Variants in ROBO2 observed in about 807,000 individuals in gnomAD.
The protein encoded by ROBO2 is roundabout guidance receptor 2.
ROBO2 carries 53 observed loss-of-function variants against 160.8 expected under a neutral mutation model. The ratio of observed to expected loss-of-function variants is 0.33; its 90% CI spans 0.26 to 0.41. ROBO2 has a LOEUF of 0.41. ROBO2 is among the 10% of genes least tolerant of loss of function. The pLI, the probability that ROBO2 is intolerant of heterozygous loss-of-function variation, is 1.00. For missense variants in ROBO2, 1,577 were observed against 1,722.4 expected (o/e 0.92, Z 1.49); for synonymous variants, 664 against 611.7 (o/e 1.09, Z -1.26).
intron 2 of ROBO2, among the ~76,000 whole-genome samples, chr3:75,952,794 C>T (rs867701570): frequency 1.3e-5 from 2 of 151,864 alleles, no homozygotes; most frequent in Admixed American, 6.6e-5. Flanking sequence ...ATCTATTCAT[C>T]GCTTCCTCTC....
chr3:77,462,566 G>A (rs988921782), intron 2 of ROBO2, among the ~76,000 whole-genome samples: 12 of 152,046 alleles, frequency 7.9e-5, no homozygotes, highest in Admixed American at 5.2e-4. Context: ...TACTCTCTTC[G>A]CAACTCTTTG....
chr3:76,675,491 C>T (rs2092384339), intron 2 of ROBO2, among the ~76,000 whole-genome samples: 1 of 152,128 alleles, frequency 6.6e-6, no homozygotes. Context: ...ACCTATATAG[C>T]CATCATGGAA....
chr3:76,572,210 A>T (rs1168232650), intron 2 of ROBO2, among the ~76,000 whole-genome samples: 2 of 152,150 alleles, frequency 1.3e-5, no homozygotes, highest in Admixed American at 6.6e-5. Context: ...ACAAAACTGA[A>T]GCACAGACAG....
intron 2 of ROBO2, among the ~76,000 whole-genome samples, chr3:76,544,595 T>C (rs1297863959): frequency 1.3e-5 from 2 of 152,040 alleles, no homozygotes; most frequent in Non-Finnish European, 2.9e-5. Context: ...ATACCCATAT[T>C]TGTAGACTAG....
chr3:77,406,821 A>C (rs2076289368), intron 2 of ROBO2, among the ~76,000 whole-genome samples: 1 of 152,128 alleles, frequency 6.6e-6, no homozygotes, highest in East Asian at 1.9e-4. Context: ...GAATTATTTT[A>C]TGCTTCTTTG....
intron 23 of ROBO2, chr3:77,632,775 A>G (rs1034207429): frequency 1.1e-5 from 10 of 883,042 alleles, no homozygotes; most frequent in East Asian, 2.7e-5. Context: ...TTTAATACGC[A>G]TGAATACAGT....
intron 2 of ROBO2, chr3:77,317,078 C>T: frequency 1.4e-6 from 2 of 1,424,116 alleles, no homozygotes; most frequent in Non-Finnish European, 2.0e-6. Context: ...TGGAATTCAT[C>T]AGTCCTGTAG....
At chr3:76,669,334 A>T (rs944447952) in intron 2 of ROBO2, among the ~76,000 whole-genome samples, 3 of 152,170 alleles carry the variant, frequency 2.0e-5, no homozygotes, top group Non-Finnish European at 4.4e-5. Context: ...AGAATTCCAT[A>T]AAAAAGGCAA....
chr3:76,972,624 G>A (rs763117253), intron 2 of ROBO2, among the ~76,000 whole-genome samples: 4 of 151,996 alleles, frequency 2.6e-5, no homozygotes, highest in Admixed American at 2.0e-4. Context: ...TTGGGAAGCC[G>A]AGGTGGAGGA....
At chr3:77,224,075 T>C (rs750675786) in intron 2 of ROBO2, among the ~76,000 whole-genome samples, 72 of 152,142 alleles carry the variant, frequency 4.7e-4, no homozygotes, top group Non-Finnish European at 8.7e-4. Flanking sequence ...TAAGGTATTT[T>C]TGGATTTAGA....
At chr3:76,886,026 C>T (rs896585175) in intron 2 of ROBO2, among the ~76,000 whole-genome samples, 1 of 151,992 alleles carries the variant, frequency 6.6e-6, no homozygotes, top group Admixed American at 6.6e-5. Context: ...TTTCCTTCCC[C>T]CAAGGTAGAC....
At chr3:76,377,035 T>A (rs904815904) in intron 2 of ROBO2, among the ~76,000 whole-genome samples, 1 of 152,166 alleles carries the variant, frequency 6.6e-6, no homozygotes, top group Non-Finnish European at 1.5e-5. Flanking sequence ...ACAAGGTAAC[T>A]TGGCATTCTG....
At chr3:77,017,812 A>G (rs996653605) in intron 2 of ROBO2, among the ~76,000 whole-genome samples, 5 of 152,080 alleles carry the variant, frequency 3.3e-5, no homozygotes, top group Non-Finnish European at 7.3e-5. Flanking sequence ...ATAAGGTTGC[A>G]TCATCTAATA....
chr3:76,791,896 G>A (rs2063378383), intron 2 of ROBO2, among the ~76,000 whole-genome samples: 1 of 151,740 alleles, frequency 6.6e-6, no homozygotes, highest in East Asian at 1.9e-4. Flanking sequence ...TATTTACATA[G>A]CCTTTTACAT....
At chr3:76,755,040 T>C (rs2060889631) in intron 2 of ROBO2, among the ~76,000 whole-genome samples, 1 of 151,874 alleles carries the variant, frequency 6.6e-6, no homozygotes, top group Admixed American at 6.6e-5. Flanking sequence ...TCTTGTTAAA[T>C]TCATCCATGA....
intron 2 of ROBO2, among the ~76,000 whole-genome samples, chr3:77,391,686 G>C (rs907388025): frequency 6.6e-6 from 1 of 152,042 alleles, no homozygotes; most frequent in African/African-American, 2.4e-5. Context: ...GCCAAACCGT[G>C]TAAGATGCCA....
chr3:76,821,270 G>A (rs945203957), intron 2 of ROBO2, among the ~76,000 whole-genome samples: 4 of 151,910 alleles, frequency 2.6e-5, no homozygotes, highest in Non-Finnish European at 1.5e-5. Flanking sequence ...ATTTAGTTAA[G>A]CACATGCCTT....
At chr3:77,281,453 A>G (rs1185078225) in intron 2 of ROBO2, among the ~76,000 whole-genome samples, 1 of 152,098 alleles carries the variant, frequency 6.6e-6, no homozygotes. Context: ...CTCTATATGA[A>G]GACTTCACTT....
intron 2 of ROBO2, among the ~76,000 whole-genome samples, chr3:76,642,341 CTTTTTTTTT>C (rs71104611): frequency 2.4e-4 from 15 of 62,228 alleles, no homozygotes; most frequent in East Asian, 4.5e-4. Context: ...TTTACACTTG[CTTTTTTTTT>C]TTTTTTTTTT....
Sources: gnomAD v4.1 joint callset for allele counts (sites outside exome capture counted in the v4.1 genomes callset) on GRCh38, gnomAD v4.1.1 for gene constraint, MANE v1.5 for transcripts, NCBI Gene and HGNC (gene_info 2026-07-23, HGNC 2026-07-21) for gene names.